The following APC variants were observed in gnomAD, a reference collection of about 807,000 sequenced individuals.
APC encodes adenomatous polyposis coli protein.
Under a neutral mutation model 247.0 loss-of-function variants are expected in APC, and 72 were observed. The ratio of observed to expected loss-of-function variants is 0.29; its 90% CI spans 0.24 to 0.35. The LOEUF (loss-of-function observed/expected upper bound fraction) is 0.35, where lower values mean the gene tolerates loss of function less well. Among genes scored for constraint, APC ranks in the 10% least tolerant of loss-of-function variants. The pLI is 1.00. For missense variants in APC, 3,400 were observed against 3,360.7 expected (o/e 1.01, Z -0.29); for synonymous variants, 1,254 against 1,162.5 (o/e 1.08, Z -1.60).
intron 1 of APC, among the ~76,000 whole-genome samples, chr5:112,710,128 C>G (rs557617544): frequency 5.9e-5 from 9 of 152,240 alleles, no homozygotes; most frequent in African/African-American, 2.2e-4. Flanking sequence ...TGTAGACTTA[C>G]CTTTCTAGTC....
At chr5:112,821,198 G>GTAGTTTAAATAGAAATTA (rs1194164428) in intron 10 of APC, among the ~76,000 whole-genome samples, 47 of 152,062 alleles carry the variant, frequency 3.1e-4, no homozygotes, top group African/African-American at 9.6e-4. Flanking sequence ...ACTCATGATA[G>GTAGTTTAAATAGAAATTA]TAGTTTAAAT....
intron 2 of APC, among the ~76,000 whole-genome samples, chr5:112,756,787 C>G (rs1375774568): frequency 6.6e-6 from 1 of 152,164 alleles, no homozygotes; most frequent in Admixed American, 6.5e-5. Flanking sequence ...AGTGGAATAT[C>G]TAGTTGATCA....
intron 6 of APC, chr5:112,783,691 A>T: frequency 4.3e-6 from 1 of 230,034 alleles, no homozygotes; most frequent in East Asian, 1.4e-4. Context: ...GTTACTTGGG[A>T]GGCTGAGGCT....
rs1415610352 is a variant in APC, at chr5:112,707,645, C to T, written c.-73C>T. On this transcript the variant is annotated 5_prime_UTR_variant, in exon 1 of 14. Transcript: ENST00000507379. ...GGACCGAGGTTGGCTCGATGCTGTT[C>T]CCAGGTACTGTTGTTGGCTGTTGGT... 1.5e-6 allele frequency: 2 copies of T among 1,359,456 alleles called. No individual in the cohort carries two copies. Among genetic ancestry groups the T allele is most frequent in the Non-Finnish European group, 1.9e-6 (2 of 1,029,140 alleles). The allele number at this position is 1,359,456 out of a possible 1,614,324, so 84.2% of individuals were successfully genotyped here.
At chr5:112,738,760 A>G (rs765335112) in intron 1 of APC, among the ~76,000 whole-genome samples, 8 of 152,172 alleles carry the variant, frequency 5.3e-5, no homozygotes, top group East Asian at 1.9e-4. Flanking sequence ...TGAACAGCAG[A>G]AAAAAAATTA....
At chr5:112,780,324 C>T (rs941956017) in intron 5 of APC, among the ~76,000 whole-genome samples, 1 of 152,094 alleles carries the variant, frequency 6.6e-6, no homozygotes, top group Non-Finnish European at 1.5e-5. Flanking sequence ...AAAGTTCTCT[C>T]AACTTAATCT....
rs376494248 is a variant in APC at position 112,842,376 on chromosome 5, C to T, written c.6782C>T (p.Pro2261Leu). The change falls in exon 16 of 16, where the codon CCT (proline) becomes CTT (leucine). Residue 2261 changes from proline to leucine, a missense_variant. Coordinates refer to ENST00000257430, the MANE Select transcript of APC (RefSeq NM_000038.6). ...CTTAAGACTCCAGCCTCCAAAAGCC[C>T]TAGTGAAGGTCAAACAGCCACCACT... ...PPLKTPASKSPSEGQTATTSP... is the reference protein window; with the variant it reads ...PPLKTPASKSLSEGQTATTSP... The T allele has an allele frequency of 3.1e-5, 50 of 1,613,904 alleles. No homozygotes were observed. The African/African-American group carries it at 6.5e-4, about 21-fold the overall frequency.
At chr5:112,837,510 C>A in intron 15 of APC, 43 bp from the exon 16 acceptor site, 1 of 1,448,318 alleles carries the variant, frequency 6.9e-7, no homozygotes, top group Non-Finnish European at 9.7e-7. Flanking sequence ...TTACTGCATA[C>A]ACATTGTGAC....
intron 14 of APC, among the ~76,000 whole-genome samples, chr5:112,834,549 C>T (rs370318868): frequency 3.9e-5 from 6 of 152,142 alleles, no homozygotes; most frequent in African/African-American, 1.2e-4. Flanking sequence ...GGCCACATGC[C>T]GGGCCTTAAT....
At chr5:112,729,479 G>C (rs954968316) in intron 1 of APC, among the ~76,000 whole-genome samples, 1 of 152,182 alleles carries the variant, frequency 6.6e-6, no homozygotes, top group Non-Finnish European at 1.5e-5. Flanking sequence ...AGATTTGGAA[G>C]CAGAATTTTT....
rs1177965395 is a variant in APC, at chr5:112,759,336, T to TTTTC, written c.135+4331_135+4334dup. Among the ~76,000 whole-genome samples the TTTTC allele has an allele frequency of 1.6e-3, 237 of 150,638 alleles. 1 individual carries two copies. The highest frequency in any genetic ancestry group is 2.1e-3 in the Non-Finnish European group (140 of 67,764). On this transcript the variant is annotated intron_variant, in intron 2 of 15. Coordinates refer to ENST00000257430, the MANE Select transcript of APC (RefSeq NM_000038.6). ...AGCAGATTTCATTTCTAATGAATAA[T>TTTTC]TTTCTTTCTTTCTTTCTTTCTTTTT...
chr5:112,840,313 A>C lies in APC; in HGVS notation c.4719A>C (p.Glu1573Asp), dbSNP rs1266445232. 2 of 1,614,114 alleles carry C rather than the reference A, an allele frequency of 1.2e-6. No individual in the cohort carries two copies. Among genetic ancestry groups the C allele is most frequent in the Admixed American group, 3.3e-5 (2 of 60,012 alleles). Reference protein sequence around the residue: ...LLDDSDDDDIEILEECIISAM... With the variant: ...LLDDSDDDDIDILEECIISAM... The stretch of plus-strand genomic sequence containing the variant: ...ATGATTCAGATGATGATGATATTGA[A>C]ATACTAGAAGAATGTATTATTTCTG... Residue 1573 changes from glutamate to aspartate, a missense_variant, in exon 16 of 16, where the codon GAA (glutamate) becomes GAC (aspartate). Glu to Asp is a conservative substitution (Grantham distance 45). Around this residue, in one of 9 missense-constraint regions of APC, gnomAD observed 1,788 missense variants for 1,649.5 expected, o/e 1.08. Transcript: ENST00000257430. This position sits in a 1 kb window ranked among gnomAD's most constrained non-coding sequence, Gnocchi z 4.1.
intron 14 of APC, among the ~76,000 whole-genome samples, chr5:112,832,321 C>T (rs1429478822): frequency 5.9e-5 from 9 of 152,002 alleles, no homozygotes; most frequent in Admixed American, 5.9e-4. Context: ...CTTGGAGTGC[C>T]CCACCTTTAT....
chr5:112,798,856 A>G (rs1241797067), intron 7 of APC, among the ~76,000 whole-genome samples: 1 of 152,192 alleles, frequency 6.6e-6, no homozygotes, highest in African/African-American at 2.4e-5. Context: ...GCCATTTACT[A>G]GATATGTGAC....
At chr5:112,751,709 A>G (rs1754391317) in intron 1 of APC, among the ~76,000 whole-genome samples, 1 of 151,862 alleles carries the variant, frequency 6.6e-6, no homozygotes, top group Non-Finnish European at 1.5e-5. Context: ...ATGCTTTTGT[A>G]TATTCCAGGT....
At chr5:112,763,243 T>A (rs1755867128) in intron 2 of APC, among the ~76,000 whole-genome samples, 1 of 150,752 alleles carries the variant, frequency 6.6e-6, no homozygotes, top group Non-Finnish European at 1.5e-5. Context: ...AAATCAACTA[T>A]TTTTTTTTAA....
intron 15 of APC, among the ~76,000 whole-genome samples, chr5:112,837,228 T>C (rs567146520): frequency 1.3e-5 from 2 of 152,230 alleles, no homozygotes; most frequent in Non-Finnish European, 2.9e-5. Context: ...TAGGATTTCA[T>C]GATATAGTTT....
intron 1 of APC, among the ~76,000 whole-genome samples, chr5:112,713,509 A>T (rs933078285): frequency 1.3e-5 from 2 of 152,210 alleles, no homozygotes; most frequent in African/African-American, 4.8e-5. Context: ...GTGGCATTTC[A>T]GTCTAGGAAG....
At chr5:112,816,277 A>G (rs187723981) in intron 9 of APC, among the ~76,000 whole-genome samples, 14 of 152,348 alleles carry the variant, frequency 9.2e-5, no homozygotes, top group African/African-American at 2.9e-4. Context: ...TTGAATCACT[A>G]ACAATTTGCA....
Sources: gnomAD v4.1 joint callset for allele counts (sites outside exome capture counted in the v4.1 genomes callset) on GRCh38, gnomAD v4.1.1 for gene constraint, gnomAD v4.1.1 regional missense constraint, Gnocchi (gnomAD v3.1) non-coding constraint, MANE v1.5 for transcripts, NCBI Gene and HGNC (gene_info 2026-07-23, HGNC 2026-07-21) for gene names.